The following SFI1 variants were observed in gnomAD, a reference collection of about 807,000 sequenced individuals.
SFI1 encodes SFI1 centrin binding protein, also known as protein SFI1 homolog.
A neutral mutation model predicts 207.5 loss-of-function variants in SFI1; 195 were observed. The ratio of observed to expected loss-of-function variants is 0.94; its 90% confidence interval spans 0.84 to 1.06. The LOEUF (loss-of-function observed/expected upper bound fraction) is 1.06. SFI1 is among the 50% of genes least tolerant of loss of function. The pLI is 0.00. For synonymous variants in SFI1, 630 were observed against 598.9 expected, an observed-to-expected ratio of 1.05 and a Z score of -0.76; for missense variants, 1,634 against 1,588.0, an observed-to-expected ratio of 1.03 and a Z score of -0.49.
rs1313216113 is a variant in SFI1 at position 31,618,159 on chromosome 22, T to C, written c.3557T>C (p.Leu1186Pro). ...QASSLRRWLELNREEPGPEDQ... is the reference protein window; with the variant it reads ...QASSLRRWLEPNREEPGPEDQ... ...AGCAGCCTGCGCAGGTGGCTGGAGCTGAACAGAGAGGAGCCGGGGCCTGAG... is the reference window on the plus strand; with the variant it reads ...AGCAGCCTGCGCAGGTGGCTGGAGCCGAACAGAGAGGAGCCGGGGCCTGAG... Residue 1186 changes from leucine to proline, a missense_variant, in exon 32 of 33, where the codon CTG becomes CCG. By Grantham distance (98) the Leu-to-Pro change is moderately conservative (BLOSUM62 -3). Coordinates refer to ENST00000400288, the MANE Select transcript of SFI1 (RefSeq NM_001007467.3). 8 of 1,591,912 alleles carry C rather than the reference T, an allele frequency of 5.0e-6. No homozygotes were observed. The Admixed American group carries it at 1.3e-4, about 25-fold the overall frequency.
Position 31,512,189 on chromosome 22 carries a change from C to G in SFI1, c.92+3813C>G, listed in dbSNP as rs577132286. Among the ~76,000 whole-genome samples the G allele has an allele frequency of 1.4e-3, 206 of 152,014 alleles. 1 individual carries two copies. The highest frequency in any genetic ancestry group is 4.8e-3 in the African/African-American group (198 of 41,506). ...TGACCAATATGGTAAAACCCCATCT[C>G]TACTAAAAATACAAAATTAGCCGGG... On this transcript the variant is annotated intron_variant, in intron 2 of 32. Coordinates refer to ENST00000400288, the MANE Select transcript of SFI1 (RefSeq NM_001007467.3).
chr22:31,512,526 T>TC (rs1264143136), intron 2 of SFI1, among the ~76,000 whole-genome samples: 5 of 151,966 alleles, frequency 3.3e-5, no homozygotes, highest in African/African-American at 1.2e-4. Flanking sequence ...TATTACTATT[T>TC]TTTTTTTTGA....
chr22:31,586,768 C>T (rs1173499985), intron 14 of SFI1, among the ~76,000 whole-genome samples: 1 of 152,130 alleles, frequency 6.6e-6, no homozygotes, highest in Non-Finnish European at 1.5e-5. Context: ...TCCTGGAAAA[C>T]GAGCACTCCC....
chr22:31,617,702 C>T (rs1389669860), intron 31 of SFI1, among the ~76,000 whole-genome samples: 2 of 149,824 alleles, frequency 1.3e-5, no homozygotes, highest in Non-Finnish European at 3.0e-5. Flanking sequence ...GCCTGGGCAA[C>T]ACAGCAACAC....
At chr22:31,564,657 A>AC (rs2062070541) in intron 8 of SFI1, among the ~76,000 whole-genome samples, 1 of 150,508 alleles carries the variant, frequency 6.6e-6, no homozygotes, top group Admixed American at 6.6e-5. Context: ...GGCATGTGCT[A>AC]CCATGCCTGG....
chr22:31,559,886 A>G (rs571648439), intron 7 of SFI1: 235 of 658,156 alleles, frequency 3.6e-4, no homozygotes, highest in Middle Eastern at 1.3e-3. Flanking sequence ...AGGCCAGCAC[A>G]CCAAGACCAC....
chr22:31,583,444 T>G (rs527439599), intron 12 of SFI1, among the ~76,000 whole-genome samples: 1 of 152,346 alleles, frequency 6.6e-6, no homozygotes, highest in South Asian at 2.1e-4. Context: ...TTTATCTGAT[T>G]GTTTCCTTTT....
Position 31,615,163 on chromosome 22 carries a change from G to A in SFI1, c.3184G>A (p.Gly1062Arg), listed in dbSNP as rs540333087. 3.1e-6 allele frequency: 5 copies of A among 1,606,054 alleles called. No homozygotes were observed. The highest frequency in any genetic ancestry group is 2.7e-5 in the African/African-American group (2 of 74,706). Residue 1062 changes from glycine to arginine, a missense_variant, in exon 29 of 33, where the codon GGG (glycine) becomes AGG (arginine). Gly to Arg is a moderately radical substitution (Grantham distance 125). Coordinates refer to ENST00000400288, the MANE Select transcript of SFI1 (RefSeq NM_001007467.3). ...TALVPHSPLP[G>R]ALSSAPGPKQ... is the part of the protein sequence containing the mutation. Reference sequence around the variant, plus strand: ...ACTGGTCCCACACAGCCCCCTGCCTGGGGCCCTGTCAAGCGCCCCTGGCCC... The same window carrying A: ...ACTGGTCCCACACAGCCCCCTGCCTAGGGCCCTGTCAAGCGCCCCTGGCCC...
chr22:31,545,574 A>ATTTAATTTTATTTT (rs1555983934), intron 4 of SFI1, among the ~76,000 whole-genome samples: 1 of 130,956 alleles, frequency 7.6e-6, no homozygotes. Flanking sequence ...AATTTAATTT[A>ATTTAATTTTATTTT]ATTTAATTTA....
At chr22:31,593,143 C>T (rs2066386741) in intron 15 of SFI1, among the ~76,000 whole-genome samples, 4 of 149,784 alleles carry the variant, frequency 2.7e-5, no homozygotes, top group South Asian at 2.1e-4. Context: ...TGACCCCCCC[C>T]CACCTCCTTC....
chr22:31,576,975 T>C (rs1385678305), intron 10 of SFI1, among the ~76,000 whole-genome samples: 1 of 152,138 alleles, frequency 6.6e-6, no homozygotes, highest in African/African-American at 2.4e-5. Flanking sequence ...TACCATACTG[T>C]GTGCCCAAGT....
chr22:31,587,319 TTGAGACAG>T (rs748435103), intron 14 of SFI1: 1 of 409,036 alleles, frequency 2.4e-6, no homozygotes. Context: ...TGTTTTGTTT[TTGAGACAG>T]GTTTCACTTT....
chr22:31,530,489 CAAAAAAAA>C (rs3069094), intron 3 of SFI1: 18 of 114,012 alleles, frequency 1.6e-4, no homozygotes, highest in Non-Finnish European at 2.2e-4. Flanking sequence ...AACTCTGTCT[CAAAAAAAA>C]AAAAAAAAAA....
chr22:31,589,772 G>T (rs1481154545), intron 15 of SFI1, among the ~76,000 whole-genome samples, 195 bp downstream of exon 15: 2 of 150,496 alleles, frequency 1.3e-5, no homozygotes, highest in African/African-American at 4.9e-5. Flanking sequence ...GAAATCTTTT[G>T]TCCATCTTTA....
At chr22:31,504,889 C>G (rs1386649616) in intron 1 of SFI1, among the ~76,000 whole-genome samples, 6 of 152,188 alleles carry the variant, frequency 3.9e-5, no homozygotes, top group African/African-American at 1.4e-4. Context: ...TGGGCCCACC[C>G]TACTCCCATG....
At chr22:31,497,773 A>T (rs1281363425) in intron 1 of SFI1, among the ~76,000 whole-genome samples, 3 of 152,214 alleles carry the variant, frequency 2.0e-5, no homozygotes, top group African/African-American at 7.2e-5. Context: ...CATCATATTT[A>T]CAGTGTGGTT....
chr22:31,604,919 G>T lies in SFI1; in HGVS notation c.2028G>T (p.Glu676Asp). 6.2e-7 allele frequency: 1 copy of T among 1,611,274 alleles called. No individual in the cohort carries two copies. The highest frequency in any genetic ancestry group is 8.5e-7 in the Non-Finnish European group (1 of 1,178,646). The change falls in exon 20 of 33, where the codon GAG becomes GAT. Residue 676 changes from glutamate to aspartate, a missense_variant. Coordinates refer to ENST00000400288, the MANE Select transcript of SFI1 (RefSeq NM_001007467.3). ...TCCTCCGGGAGGTGGCAGCCAGGGA[G>T]AGCCAGCACAACAGGCAGCTGCTGC... ...RSILREVAAR[E>D]SQHNRQLLRG...
At chr22:31,542,327 C>T (rs2059624550) in intron 4 of SFI1, among the ~76,000 whole-genome samples, 1 of 151,516 alleles carries the variant, frequency 6.6e-6, no homozygotes, top group South Asian at 2.1e-4. Context: ...CATATGGGTG[C>T]TATAAATACA....
intron 4 of SFI1, among the ~76,000 whole-genome samples, chr22:31,545,226 C>CA (rs2059954854): frequency 6.6e-6 from 1 of 152,058 alleles, no homozygotes; most frequent in African/African-American, 2.4e-5. Context: ...ATTAGCTGGG[C>CA]GTGATGGCAC....
Sources: gnomAD v4.1 joint callset for allele counts (sites outside exome capture counted in the v4.1 genomes callset) on GRCh38, gnomAD v4.1.1 for gene constraint, MANE v1.5 for transcripts, NCBI Gene and HGNC (gene_info 2026-07-23, HGNC 2026-07-21) for gene names.